Variants in MACROD2 observed in about 807,000 individuals in gnomAD.
MACROD2 encodes mono-ADP ribosylhydrolase 2.
A neutral mutation model predicts 70.4 loss-of-function variants in MACROD2; 36 were observed. That is an observed-to-expected ratio of 0.51 (90% CI 0.39 to 0.68). The LOEUF is 0.68. Among genes scored for constraint, MACROD2 ranks in the 30% least tolerant of loss-of-function variants. The probability of loss-of-function intolerance (pLI) is 0.00; values close to 1 mark genes in which losing one functional copy is unlikely to be tolerated. For missense variants in MACROD2, 496 were observed against 538.4 expected, an observed-to-expected ratio of 0.92 and a Z score of 0.78; for synonymous variants, 172 against 178.8, an observed-to-expected ratio of 0.96 and a Z score of 0.30.
chr20:15,325,680 T>C (rs1568723194), intron 6 of MACROD2, among the ~76,000 whole-genome samples: 1 of 152,136 alleles, frequency 6.6e-6, no homozygotes, highest in Non-Finnish European at 1.5e-5. Flanking sequence ...ACTTATGCAG[T>C]GTAATCACTT....
intron 2 of MACROD2, among the ~76,000 whole-genome samples, chr20:14,046,755 A>AT (rs869276237): frequency 7.3e-5 from 11 of 150,536 alleles, no homozygotes; most frequent in Admixed American, 2.6e-4. Context: ...TTATTTATTT[A>AT]TTAAGCTGTT....
chr20:15,377,872 C>G (rs528342532), intron 6 of MACROD2, among the ~76,000 whole-genome samples: 80 of 152,152 alleles, frequency 5.3e-4, no homozygotes, highest in African/African-American at 1.9e-3. Flanking sequence ...GATAATCATT[C>G]TCAGCAAACT....
chr20:15,729,831 C>CTTTGTTTTTTTTTTTTTTTT (rs2050918720), intron 8 of MACROD2, among the ~76,000 whole-genome samples: 1 of 64,770 alleles, frequency 1.5e-5, no homozygotes, highest in Non-Finnish European at 2.8e-5. Flanking sequence ...TTGGGTCATG[C>CTTTGTTTTTTTTTTTTTTTT]TTTTTTTTTT....
At chr20:14,983,401 G>A (rs943036306) in intron 5 of MACROD2, among the ~76,000 whole-genome samples, 1 of 151,700 alleles carries the variant, frequency 6.6e-6, no homozygotes, top group African/African-American at 2.4e-5. Flanking sequence ...ATTGGGAAGG[G>A]CCAGGGGCAG....
chr20:14,227,610 A>C (rs1402752405), intron 3 of MACROD2, among the ~76,000 whole-genome samples: 1 of 152,228 alleles, frequency 6.6e-6, no homozygotes, highest in East Asian at 1.9e-4. Flanking sequence ...CAAACTCCGG[A>C]CACGCTGCCT....
At chr20:14,336,579 C>G (rs1171537473) in intron 3 of MACROD2, among the ~76,000 whole-genome samples, 1 of 152,080 alleles carries the variant, frequency 6.6e-6, no homozygotes, top group Non-Finnish European at 1.5e-5. Flanking sequence ...TCTGCAAAAC[C>G]CACTTGATAA....
intron 3 of MACROD2, among the ~76,000 whole-genome samples, chr20:14,117,861 A>G (rs528385118): frequency 1.2e-4 from 18 of 152,296 alleles, no homozygotes; most frequent in Non-Finnish European, 2.1e-4. Flanking sequence ...AAGATTCTCC[A>G]TACTTCCCCC....
rs1485952746 is a variant in MACROD2, at chr20:16,050,514, C to T, written c.*638C>T. The T allele has an allele frequency of 6.6e-6, 1 of 152,242 alleles. No homozygotes were observed. The highest frequency in any genetic ancestry group is 1.9e-4 in the East Asian group (1 of 5,196). 9.4% of individuals were successfully genotyped at this position (152,242 alleles called of 1,614,324 possible). ...TCCAGAGCAGAGTGCAGAGGCATAA[C>T]AGAAGGGTGGGCCCTGGCAGCCATC... On this transcript the variant is annotated 3_prime_UTR_variant, in exon 18 of 18. Transcript: ENST00000684519.
At chr20:14,283,627 G>T (rs2082323209) in intron 3 of MACROD2, among the ~76,000 whole-genome samples, 1 of 151,994 alleles carries the variant, frequency 6.6e-6, no homozygotes, top group African/African-American at 2.4e-5. Context: ...ATAAAAATTT[G>T]TTTTTTAATG....
intron 4 of MACROD2, chr20:14,636,529 G>A (rs1411843573): frequency 1.3e-5 from 2 of 152,116 alleles, no homozygotes; most frequent in Non-Finnish European, 2.9e-5. Context: ...GACACGAAAG[G>A]CAAGAGTGAT....
At chr20:14,026,850 G>A (rs1001480790) in intron 2 of MACROD2, among the ~76,000 whole-genome samples, 4 of 152,200 alleles carry the variant, frequency 2.6e-5, no homozygotes, top group East Asian at 1.9e-4. Context: ...GCACCTGGGG[G>A]AAGGGGCGGC....
intron 6 of MACROD2, among the ~76,000 whole-genome samples, chr20:15,309,294 A>T (rs935309696): frequency 6.6e-6 from 1 of 152,214 alleles, no homozygotes; most frequent in Admixed American, 6.5e-5. Context: ...TACATCTCCA[A>T]GGAAAAGGGG....
In MACROD2 at chr20:15,885,802, G is replaced by A. The variant is rs2064814747; in HGVS notation, c.766G>A (p.Glu256Lys). The change falls in exon 10 of 18, where the codon GAA becomes AAA. Residue 256 changes from glutamate to lysine, a missense_variant. Glu to Lys is a moderately conservative substitution (Grantham distance 56). Transcript: ENST00000684519. ...AGAAGAAGAGGATGTTGAAATGAAAGAAGATTCAGGTATTAAATTCATACT... is the reference window on the plus strand; with the variant it reads ...AGAAGAAGAGGATGTTGAAATGAAAAAAGATTCAGGTATTAAATTCATACT... ...NEEEEDVEMK[E>K]DSDENGPEEK... 1.3e-6 allele frequency: 2 copies of A among 1,498,682 alleles called. No homozygotes were observed. Among genetic ancestry groups the A allele is most frequent in the African/African-American group, 1.4e-5 (1 of 69,316 alleles). 92.8% of individuals were successfully genotyped at this position (1,498,682 alleles called of 1,614,324 possible).
intron 2 of MACROD2, among the ~76,000 whole-genome samples, chr20:14,081,064 G>A (rs1052076936): frequency 5.3e-5 from 8 of 152,172 alleles, no homozygotes; most frequent in Admixed American, 2.6e-4. Flanking sequence ...TGCAATACCT[G>A]CGTAGCCCAG....
chr20:15,734,544 G>T (rs2050992492), intron 8 of MACROD2, among the ~76,000 whole-genome samples: 1 of 152,160 alleles, frequency 6.6e-6, no homozygotes, highest in Admixed American at 6.5e-5. Flanking sequence ...AAGCATTATG[G>T]AGGAGAGCAG....
chr20:14,904,417 G>A (rs892499225), intron 5 of MACROD2, among the ~76,000 whole-genome samples: 6 of 152,024 alleles, frequency 3.9e-5, no homozygotes, highest in African/African-American at 1.4e-4. Context: ...ACAAATCACT[G>A]TGCCTAATTA....
At chr20:15,085,302 T>C (rs1453154240) in intron 5 of MACROD2, among the ~76,000 whole-genome samples, 1 of 152,106 alleles carries the variant, frequency 6.6e-6, no homozygotes, top group Non-Finnish European at 1.5e-5. Flanking sequence ...GAAGAGAATT[T>C]AGGGATGCAT....
At chr20:14,222,512 T>C (rs1179353117) in intron 3 of MACROD2, among the ~76,000 whole-genome samples, 1 of 152,118 alleles carries the variant, frequency 6.6e-6, no homozygotes, top group Non-Finnish European at 1.5e-5. Context: ...GGAGGGTGGA[T>C]GACTGGGAGT....
At chr20:14,738,941 G>A (rs567971317) in intron 5 of MACROD2, among the ~76,000 whole-genome samples, 6 of 151,810 alleles carry the variant, frequency 4.0e-5, no homozygotes, top group South Asian at 2.1e-4. Context: ...AAAGTTCCAC[G>A]TCACTAATTT....
Sources: allele counts gnomAD v4.1 joint callset (sites outside exome capture counted in the v4.1 genomes callset), GRCh38; gene constraint gnomAD v4.1.1; transcripts MANE v1.5; gene names NCBI Gene and HGNC (gene_info 2026-07-23, HGNC 2026-07-21).